Variants in KCNH5 observed in about 807,000 individuals in gnomAD.
The protein encoded by KCNH5 is voltage-gated delayed rectifier potassium channel KCNH5.
In KCNH5, 46 loss-of-function variants were observed where a neutral mutation model predicts 96.1. The observed-to-expected ratio is 0.48, with a 90% CI of 0.38 to 0.61. The LOEUF (loss-of-function observed/expected upper bound fraction) is 0.61. KCNH5 is among the 20% of genes least tolerant of loss of function. KCNH5 has a pLI of 0.00. For synonymous variants in KCNH5, 439 were observed against 449.8 expected, an observed-to-expected ratio of 0.98 and a Z score of 0.30; for missense variants, 907 against 1,225.8, an observed-to-expected ratio of 0.74 and a Z score of 3.88.
At chr14:62,801,485 A>T (rs572092276) in intron 9 of KCNH5, among the ~76,000 whole-genome samples, 23 of 150,196 alleles carry the variant, frequency 1.5e-4, no homozygotes, top group African/African-American at 5.3e-4. Flanking sequence ...AATGATCTAA[A>T]AGGTCATTTG....
rs149490557 is a variant in KCNH5, at chr14:62,699,731, A to G, written c.*7777T>C. Reference sequence around the variant, plus strand: ...ACAATTGTTTCATAATTGACCCTAAAGTCACAAAGTTAAAATATTTTCACA... The same window carrying G: ...ACAATTGTTTCATAATTGACCCTAAGGTCACAAAGTTAAAATATTTTCACA... On this transcript the variant is annotated 3_prime_UTR_variant, in exon 11 of 11. Coordinates refer to ENST00000322893, the MANE Select transcript of KCNH5 (RefSeq NM_139318.5). 4.6e-5 allele frequency: 7 copies of G among 152,318 alleles called. No individual in the cohort carries two copies. Among genetic ancestry groups the G allele is most frequent in the African/African-American group, 1.7e-4 (7 of 41,580 alleles). The allele number at this position is 152,318 out of a possible 1,614,324, so 9.4% of individuals were successfully genotyped here.
chr14:62,759,573 A>ATATTTTTTTTTTTTTTTTT (rs1171935428), intron 10 of KCNH5, among the ~76,000 whole-genome samples: 1 of 151,084 alleles, frequency 6.6e-6, no homozygotes, highest in African/African-American at 2.4e-5. Flanking sequence ...CGTAGGGTAT[A>ATATTTTTTTTTTTTTTTTT]TTTTTTAATA....
intron 7 of KCNH5, among the ~76,000 whole-genome samples, chr14:62,915,941 C>CT (rs912643210): frequency 7.5e-5 from 11 of 146,630 alleles, no homozygotes; most frequent in South Asian, 2.2e-4. Context: ...TTCTTTTTTT[C>CT]TTTTTTTTTC....
In KCNH5 at chr14:63,027,582, T is replaced by C. The variant is rs765533061; in HGVS notation, c.74-10628A>G. ...AAATACTTGAATTGTCCATATTCTA[T>C]ATTATTGATTAAAATGTAGATATTT... On this transcript the variant is annotated intron_variant, in intron 1 of 10. Transcript: ENST00000322893. Among the ~76,000 whole-genome samples, 168 of 150,238 alleles carry C rather than the reference T, an allele frequency of 1.1e-3. 1 individual carries two copies. Among genetic ancestry groups the C allele is most frequent in the Non-Finnish European group, 2.1e-3 (143 of 67,536 alleles).
intron 8 of KCNH5, among the ~76,000 whole-genome samples, chr14:62,829,460 C>T (rs747179371): frequency 6.6e-6 from 1 of 152,214 alleles, no homozygotes; most frequent in Non-Finnish European, 1.5e-5. Flanking sequence ...GGAAGGCTCC[C>T]AAAGTTTGAG....
intron 2 of KCNH5, among the ~76,000 whole-genome samples, chr14:63,011,405 G>A (rs1315687467): frequency 1.3e-5 from 2 of 151,670 alleles, no homozygotes; most frequent in African/African-American, 4.8e-5. Context: ...TTGAACCCAG[G>A]AGGCAGAGGT....
At chr14:62,993,152 T>C (rs1890843638) in intron 4 of KCNH5, among the ~76,000 whole-genome samples, 1 of 152,090 alleles carries the variant, frequency 6.6e-6, no homozygotes, top group Non-Finnish European at 1.5e-5. Flanking sequence ...CTGGACTATC[T>C]ATTCTGTTCT....
chr14:62,995,739 G>A (rs1191198962), intron 4 of KCNH5, among the ~76,000 whole-genome samples: 6 of 152,020 alleles, frequency 3.9e-5, no homozygotes, highest in Non-Finnish European at 8.8e-5. Flanking sequence ...ACTCTCAGTT[G>A]ATAACTGTGA....
chr14:62,709,729 T>A (rs1386723320), intron 10 of KCNH5, among the ~76,000 whole-genome samples: 3 of 152,232 alleles, frequency 2.0e-5, no homozygotes, highest in African/African-American at 4.8e-5. Context: ...TCAGAAGAAA[T>A]AAAAAATGTT....
At chr14:62,945,112 C>A (rs1390743355) in intron 7 of KCNH5, among the ~76,000 whole-genome samples, 1 of 152,084 alleles carries the variant, frequency 6.6e-6, no homozygotes, top group Non-Finnish European at 1.5e-5. Flanking sequence ...AACTCTGAAC[C>A]AAATACAGTT....
intron 10 of KCNH5, among the ~76,000 whole-genome samples, chr14:62,729,805 C>T (rs964621507): frequency 6.6e-6 from 1 of 152,174 alleles, no homozygotes; most frequent in African/African-American, 2.4e-5. Context: ...TAGCCTACTA[C>T]AAATTTTCTG....
chr14:63,022,439 G>T (rs1238879568), intron 1 of KCNH5, among the ~76,000 whole-genome samples: 1 of 151,136 alleles, frequency 6.6e-6, no homozygotes, highest in Admixed American at 6.6e-5. Context: ...GAAGCCAAAC[G>T]AGTTTTTTGT....
At chr14:62,758,891 A>C (rs556572715) in intron 10 of KCNH5, among the ~76,000 whole-genome samples, 1 of 152,348 alleles carries the variant, frequency 6.6e-6, no homozygotes, top group African/African-American at 2.4e-5. Flanking sequence ...GGAGCTAGAC[A>C]TAGGATAAGA....
chr14:62,756,049 A>C (rs1885617239), intron 10 of KCNH5, among the ~76,000 whole-genome samples: 1 of 152,092 alleles, frequency 6.6e-6, no homozygotes, highest in Admixed American at 6.6e-5. Context: ...GGAAAAAAAA[A>C]ACAAAACCTA....
chr14:62,709,896 C>T (rs1884532669), intron 10 of KCNH5, among the ~76,000 whole-genome samples: 1 of 152,142 alleles, frequency 6.6e-6, no homozygotes, highest in Non-Finnish European at 1.5e-5. Context: ...CTTTCAGAAT[C>T]AGACAATTTT....
At position 62,785,961 on chromosome 14, in the gene KCNH5, G is replaced by C. The variant is rs112680632; in HGVS notation, c.1823-6037C>G. On this transcript the variant is annotated intron_variant, in intron 9 of 10. Coordinates refer to ENST00000322893, the MANE Select transcript of KCNH5 (RefSeq NM_139318.5). ...TAATCCCAGCACTTTGAGAGGCCAA[G>C]GTGGGCAGATCACAAGGTCAGGAGT... is the stretch of plus-strand genomic sequence containing the variant. 3.8e-4 allele frequency among the ~76,000 whole-genome samples: 58 copies of C among 152,302 alleles called. 1 individual carries two copies. Among genetic ancestry groups the C allele is most frequent in the Middle Eastern group, 3.4e-3 (1 of 294 alleles).
intron 10 of KCNH5, among the ~76,000 whole-genome samples, chr14:62,747,382 C>G (rs1188423852): frequency 6.6e-6 from 1 of 151,764 alleles, no homozygotes; most frequent in Non-Finnish European, 1.5e-5. Context: ...TACAAAATTA[C>G]TGGGTTAATA....
At chr14:62,993,724 T>C (rs1246444840) in intron 4 of KCNH5, among the ~76,000 whole-genome samples, 1 of 152,096 alleles carries the variant, frequency 6.6e-6, no homozygotes, top group East Asian at 1.9e-4. Flanking sequence ...GCTGCCATAC[T>C]GTCTAGGTCA....
chr14:62,857,276 G>A (rs571642822), intron 7 of KCNH5, among the ~76,000 whole-genome samples: 35 of 152,284 alleles, frequency 2.3e-4, no homozygotes, highest in African/African-American at 7.5e-4. Flanking sequence ...AGGGAAAGAT[G>A]TGGGAAGATT....
Sources: allele counts gnomAD v4.1 joint callset (sites outside exome capture counted in the v4.1 genomes callset), GRCh38; gene constraint gnomAD v4.1.1; transcripts MANE v1.5; gene names NCBI Gene and HGNC (gene_info 2026-07-23, HGNC 2026-07-21).